The following KCNQ5 variants were observed in gnomAD, a reference collection of about 807,000 sequenced individuals.
KCNQ5 encodes the protein potassium voltage-gated channel subfamily Q member 5.
KCNQ5 carries 30 observed loss-of-function variants against 98.2 expected under a neutral mutation model. The observed-to-expected ratio is 0.31, with a 90% CI of 0.23 to 0.41. The LOEUF (loss-of-function observed/expected upper bound fraction) is 0.41, where lower values mean the gene tolerates loss of function less well. Ranked by LOEUF, KCNQ5 falls within the 10% of genes least tolerant of loss-of-function variation. The probability of loss-of-function intolerance (pLI) is 1.00; values close to 1 mark genes in which losing one functional copy is unlikely to be tolerated. For synonymous variants in KCNQ5, 458 were observed against 449.4 expected (o/e 1.02, Z -0.24); for missense variants, 835 against 1,182.5 (o/e 0.71, Z 4.31).
intron 1 of KCNQ5, among the ~76,000 whole-genome samples, chr6:72,893,431 C>A (rs1177610137): frequency 1.2e-4 from 18 of 152,096 alleles, no homozygotes; most frequent in Admixed American, 1.2e-3. Context: ...GGAGTAGGAA[C>A]CACCAGGAGA....
At chr6:72,816,211 G>A (rs1397454063) in intron 1 of KCNQ5, among the ~76,000 whole-genome samples, 1 of 152,136 alleles carries the variant, frequency 6.6e-6, no homozygotes, top group Non-Finnish European at 1.5e-5. Flanking sequence ...TGCTGAATTT[G>A]ATGACTAAGA....
intron 1 of KCNQ5, among the ~76,000 whole-genome samples, chr6:72,817,040 A>G (rs1775534117): frequency 1.3e-5 from 2 of 152,224 alleles, no homozygotes; most frequent in African/African-American, 4.8e-5. Context: ...GGTTACATTT[A>G]TTGTCAATGT....
intron 1 of KCNQ5, among the ~76,000 whole-genome samples, chr6:72,983,949 T>C (rs1010283323): frequency 2.0e-5 from 3 of 152,238 alleles, no homozygotes; most frequent in Non-Finnish European, 2.9e-5. Context: ...TGCAGATCTA[T>C]TGGAGTTTGC....
intron 3 of KCNQ5, among the ~76,000 whole-genome samples, chr6:73,061,311 G>A (rs1260817944): frequency 6.6e-6 from 1 of 152,108 alleles, no homozygotes; most frequent in African/African-American, 2.4e-5. Context: ...GAATGGAAAC[G>A]GGTAGGAGTA....
intron 10 of KCNQ5, among the ~76,000 whole-genome samples, chr6:73,139,890 T>A (rs926730327): frequency 2.6e-5 from 4 of 152,088 alleles, no homozygotes; most frequent in Non-Finnish European, 5.9e-5. Context: ...CCTTCTGAAG[T>A]TAATAACTAA....
intron 2 of KCNQ5, among the ~76,000 whole-genome samples, chr6:73,012,159 T>C (rs1056238991): frequency 6.6e-6 from 1 of 152,116 alleles, no homozygotes; most frequent in African/African-American, 2.4e-5. Flanking sequence ...CAAAGAGATG[T>C]GTACACCCAT....
chr6:72,700,543 C>T (rs955664789), intron 1 of KCNQ5, among the ~76,000 whole-genome samples: 2 of 152,112 alleles, frequency 1.3e-5, no homozygotes, highest in African/African-American at 4.8e-5. Context: ...GTGAAAATTG[C>T]TTGAGGTGCC....
intron 3 of KCNQ5, among the ~76,000 whole-genome samples, chr6:73,074,407 C>T (rs550529136): frequency 6.6e-6 from 1 of 152,270 alleles, no homozygotes; most frequent in South Asian, 2.1e-4. Flanking sequence ...GTTTACTGAA[C>T]TCTAACTTTC....
Position 72,925,549 on chromosome 6 carries a change from G to A in KCNQ5, c.399-78359G>A, listed in dbSNP as rs993160923. On this transcript the variant is annotated intron_variant, in intron 1 of 13. Transcript: ENST00000370398. ...ACATGTTCTAAGAAATATGGCCTCA[G>A]TTCCTGGGCTTAAGGAGTATATAAT... Among the ~76,000 whole-genome samples the A allele has an allele frequency of 1.1e-4, 16 of 152,268 alleles. 2 individuals carry two copies. In the South Asian group the frequency reaches 2.9e-3, roughly 28 times the overall value.
intron 1 of KCNQ5, among the ~76,000 whole-genome samples, chr6:72,653,064 T>G (rs1765953182): frequency 6.6e-6 from 1 of 152,084 alleles, no homozygotes; most frequent in African/African-American, 2.4e-5. Flanking sequence ...AATTGCTTAC[T>G]ATAGTTTGTT....
Position 72,868,364 on chromosome 6 carries a change from CA to C in KCNQ5, c.399-135539del, listed in dbSNP as rs1463155833. On this transcript the variant is annotated intron_variant, in intron 1 of 13. Coordinates refer to ENST00000370398, the MANE Select transcript of KCNQ5 (RefSeq NM_019842.4). ...TTTCATGAGATAAAATCAGCTTCCTCAAAAACTAGTGGCCTTTTGGGTCTCT... is the reference window on the plus strand; with the variant it reads ...TTTCATGAGATAAAATCAGCTTCCTCAAAACTAGTGGCCTTTTGGGTCTCT... 3.3e-5 allele frequency among the ~76,000 whole-genome samples: 5 copies of C among 152,286 alleles called. No homozygotes were observed. The South Asian group carries it at 1.0e-3, about 32-fold the overall frequency.
chr6:72,879,207 T>G (rs1034691568), intron 1 of KCNQ5, among the ~76,000 whole-genome samples: 5 of 152,192 alleles, frequency 3.3e-5, no homozygotes, highest in Admixed American at 1.3e-4. Context: ...CCTTTCAAAC[T>G]GGGCTGACAA....
Position 73,189,171 on chromosome 6 carries a change from A to G in KCNQ5, c.1578-1402A>G, listed in dbSNP as rs1044439289. Reference sequence around the variant, plus strand: ...TATGAAACCTAAATGCTGGTAAACCAATTTGGAACCAAAGCTCAATACTAA... The same window carrying G: ...TATGAAACCTAAATGCTGGTAAACCGATTTGGAACCAAAGCTCAATACTAA... On this transcript the variant is annotated intron_variant, in intron 11 of 13. Transcript: ENST00000370398. Among the ~76,000 whole-genome samples, 3 of 152,176 alleles carry G rather than the reference A, an allele frequency of 2.0e-5. No homozygotes were observed. The East Asian group carries it at 5.8e-4, about 29-fold the overall frequency.
intron 1 of KCNQ5, among the ~76,000 whole-genome samples, chr6:72,953,073 T>C (rs143124802): frequency 2.8e-4 from 42 of 152,310 alleles, no homozygotes; most frequent in Non-Finnish European, 5.4e-4. Context: ...TCAGTGATTA[T>C]TTGTTAAGTA....
intron 1 of KCNQ5, among the ~76,000 whole-genome samples, chr6:72,964,850 A>G (rs1422596793): frequency 1.3e-5 from 2 of 151,810 alleles, no homozygotes; most frequent in Non-Finnish European, 2.9e-5. Flanking sequence ...ACAAACTGAC[A>G]CTCTTGTCTT....
chr6:73,119,088 T>C (rs921360755), intron 7 of KCNQ5, among the ~76,000 whole-genome samples: 1 of 151,750 alleles, frequency 6.6e-6, no homozygotes, highest in Admixed American at 6.6e-5. Flanking sequence ...TCTACTATAA[T>C]AAAAAAGTTT....
chr6:73,145,966 T>C (rs1257177044), intron 10 of KCNQ5, among the ~76,000 whole-genome samples: 1 of 151,928 alleles, frequency 6.6e-6, no homozygotes, highest in East Asian at 1.9e-4. Flanking sequence ...AAGGGGGAAG[T>C]GCCACACTTT....
At chr6:73,181,747 T>C (rs1022303348) in intron 11 of KCNQ5, among the ~76,000 whole-genome samples, 1 of 152,236 alleles carries the variant, frequency 6.6e-6, no homozygotes, top group African/African-American at 2.4e-5. Flanking sequence ...AGGAACCTTA[T>C]GATTAAGAGC....
intron 1 of KCNQ5, among the ~76,000 whole-genome samples, chr6:72,863,899 A>G (rs899330206): frequency 2.0e-5 from 3 of 152,230 alleles, no homozygotes; most frequent in African/African-American, 4.8e-5. Flanking sequence ...GTAAACAATA[A>G]AAGTATGAAT....
Sources: allele counts gnomAD v4.1 joint callset (sites outside exome capture counted in the v4.1 genomes callset), GRCh38; gene constraint gnomAD v4.1.1; transcripts MANE v1.5; gene names NCBI Gene and HGNC (gene_info 2026-07-23, HGNC 2026-07-21).